Variants in ZBTB20 observed in about 807,000 individuals in gnomAD.
The protein encoded by ZBTB20 is zinc finger and BTB domain containing 20, also known as zinc finger and BTB domain-containing protein 20.
ZBTB20 carries 9 observed loss-of-function variants against 56.9 expected under a neutral mutation model. The ratio of observed to expected loss-of-function variants is 0.16; its 90% confidence interval spans 0.10 to 0.28. The LOEUF is 0.28. Among genes scored for constraint, ZBTB20 ranks in the 10% least tolerant of loss-of-function variants. ZBTB20 has a pLI of 1.00. For synonymous variants in ZBTB20, 417 were observed against 420.7 expected, an observed-to-expected ratio of 0.99 and a Z score of 0.11; for missense variants, 655 against 1,003.0, an observed-to-expected ratio of 0.65 and a Z score of 4.69.
chr3:114,635,463 C>T (rs978683563), intron 6 of ZBTB20, among the ~76,000 whole-genome samples: 2 of 152,002 alleles, frequency 1.3e-5, no homozygotes, highest in East Asian at 3.9e-4. Flanking sequence ...AAACAGAGAT[C>T]CCTGAATTAA....
intron 6 of ZBTB20, among the ~76,000 whole-genome samples, chr3:114,551,498 T>C (rs1375696606): frequency 6.6e-6 from 1 of 152,142 alleles, no homozygotes; most frequent in Non-Finnish European, 1.5e-5. Flanking sequence ...TAAAGAGAAG[T>C]AAGCAATAAG....
intron 10 of ZBTB20, among the ~76,000 whole-genome samples, chr3:114,365,632 T>C (rs1667249818): frequency 6.6e-6 from 1 of 152,182 alleles, no homozygotes; most frequent in South Asian, 2.1e-4. Context: ...TGCAGAAAAC[T>C]GTGCAGGATG....
intron 6 of ZBTB20, among the ~76,000 whole-genome samples, chr3:114,662,445 G>C (rs1225351095): frequency 6.9e-6 from 1 of 145,050 alleles, no homozygotes; most frequent in Non-Finnish European, 1.5e-5. Context: ...GGGTCAAATG[G>C]TATTTCTAGT....
intron 7 of ZBTB20, among the ~76,000 whole-genome samples, chr3:114,390,730 A>G (rs2085779419): frequency 6.6e-6 from 1 of 152,154 alleles, no homozygotes; most frequent in African/African-American, 2.4e-5. Context: ...TTATTGGTTC[A>G]TTCGTTCCTT....
chr3:114,453,279 A>G (rs551474207), intron 7 of ZBTB20, among the ~76,000 whole-genome samples: 2 of 152,322 alleles, frequency 1.3e-5, no homozygotes, highest in South Asian at 4.1e-4. Context: ...GAACTAGTGT[A>G]TCATAGAAGG....
intron 6 of ZBTB20, among the ~76,000 whole-genome samples, chr3:114,626,610 T>C (rs1335101778): frequency 1.3e-5 from 2 of 152,204 alleles, no homozygotes; most frequent in Non-Finnish European, 2.9e-5. Flanking sequence ...TCTGGGTATG[T>C]TAAACATTAT....
At chr3:114,549,784 T>TA (rs1175213315) in intron 6 of ZBTB20, among the ~76,000 whole-genome samples, 1 of 150,726 alleles carries the variant, frequency 6.6e-6, no homozygotes, top group African/African-American at 2.4e-5. Context: ...ATGCTGTTAA[T>TA]AGAGTTTTGG....
At chr3:114,805,730 C>A (rs889731479) in intron 4 of ZBTB20, among the ~76,000 whole-genome samples, 34 of 151,878 alleles carry the variant, frequency 2.2e-4, no homozygotes, top group African/African-American at 8.0e-4. Context: ...ATTTTTGTCA[C>A]CCTACAAAGA....
chr3:114,507,111 C>A (rs527838608), intron 6 of ZBTB20, among the ~76,000 whole-genome samples: 17 of 152,228 alleles, frequency 1.1e-4, no homozygotes, highest in Admixed American at 3.3e-4. Context: ...GGAGTGGGGG[C>A]AAGATGAGCT....
intron 7 of ZBTB20, among the ~76,000 whole-genome samples, chr3:114,440,970 A>G (rs2090881946): frequency 6.6e-6 from 1 of 152,196 alleles, no homozygotes; most frequent in African/African-American, 2.4e-5. Flanking sequence ...ATATTTGCAT[A>G]TCAGTTACGG....
intron 7 of ZBTB20, among the ~76,000 whole-genome samples, chr3:114,464,763 T>G (rs565416741): frequency 6.6e-6 from 1 of 152,100 alleles, no homozygotes; most frequent in African/African-American, 2.4e-5. Context: ...CTGAGGCCAT[T>G]GTAGACCAGC....
chr3:115,063,007 T>C (rs1229729225), intron 2 of ZBTB20, among the ~76,000 whole-genome samples: 1 of 152,210 alleles, frequency 6.6e-6, no homozygotes, highest in Non-Finnish European at 1.5e-5. Context: ...TAGCCATCAA[T>C]AGTTAATGCC....
intron 5 of ZBTB20, among the ~76,000 whole-genome samples, chr3:114,781,678 C>T (rs2070107875): frequency 1.3e-5 from 2 of 152,140 alleles, no homozygotes; most frequent in African/African-American, 4.8e-5. Context: ...TGTCCCCATC[C>T]AGATCTCATC....
At chr3:114,609,455 C>T (rs754448914) in intron 6 of ZBTB20, among the ~76,000 whole-genome samples, 13 of 152,132 alleles carry the variant, frequency 8.5e-5, no homozygotes, top group Non-Finnish European at 1.3e-4. Flanking sequence ...CACAAGCCTG[C>T]TCTGCTTGTT....
At chr3:115,061,770 A>G (rs560689172) in intron 2 of ZBTB20, among the ~76,000 whole-genome samples, 42 of 152,340 alleles carry the variant, frequency 2.8e-4, no homozygotes, top group African/African-American at 8.9e-4. Context: ...AACAGCTGAA[A>G]CTATTTAATA....
intron 6 of ZBTB20, among the ~76,000 whole-genome samples, chr3:114,558,814 C>T (rs915634087): frequency 6.6e-6 from 1 of 152,146 alleles, no homozygotes; most frequent in African/African-American, 2.4e-5. Context: ...CTGAACACAT[C>T]ACCAGTATAC....
chr3:114,407,888 G>T (rs2108748630), intron 7 of ZBTB20, among the ~76,000 whole-genome samples: 1 of 148,954 alleles, frequency 6.7e-6, no homozygotes, highest in South Asian at 2.1e-4. Flanking sequence ...GAAGGATGGG[G>T]GAAACCAAAT....
intron 6 of ZBTB20, among the ~76,000 whole-genome samples, chr3:114,542,598 G>T (rs1327410421): frequency 6.6e-6 from 1 of 152,140 alleles, no homozygotes; most frequent in Non-Finnish European, 1.5e-5. Flanking sequence ...TTTTGCATTT[G>T]AAAGCAGCTA....
intron 6 of ZBTB20, chr3:114,502,904 G>A (rs762073648): frequency 5.9e-5 from 9 of 151,518 alleles, no homozygotes; most frequent in Admixed American, 2.0e-4. Context: ...AATTTTCTAT[G>A]AAATATGTTC....
Sources: allele counts gnomAD v4.1 joint callset (sites outside exome capture counted in the v4.1 genomes callset), GRCh38; gene constraint gnomAD v4.1.1; transcripts MANE v1.5; gene names NCBI Gene and HGNC (gene_info 2026-07-23, HGNC 2026-07-21).